Variants in CMSS1 observed in about 807,000 individuals in gnomAD.
The protein encoded by CMSS1 is cms1 ribosomal small subunit homolog, also known as protein CMSS1.
In CMSS1, 33 loss-of-function variants were observed where a neutral mutation model predicts 43.5. The ratio of observed to expected loss-of-function variants is 0.76; its 90% CI spans 0.57 to 1.01. CMSS1 has a LOEUF of 1.01. Among genes scored for constraint, CMSS1 ranks in the 50% least tolerant of loss-of-function variants. CMSS1 has a pLI of 0.00. For synonymous variants in CMSS1, 115 were observed against 117.2 expected (o/e 0.98, Z 0.12); for missense variants, 313 against 326.4 (o/e 0.96, Z 0.32).
At chr3:99,876,178 G>C (rs1354939827) in intron 1 of CMSS1, 2 of 985,428 alleles carry the variant, frequency 2.0e-6, no homozygotes, top group South Asian at 9.4e-5. Context: ...CAATGCGAGC[G>C]GGGCGCTGAG....
At chr3:99,968,556 A>G (rs1447776536) in intron 1 of CMSS1, among the ~76,000 whole-genome samples, 2 of 152,190 alleles carry the variant, frequency 1.3e-5, no homozygotes, top group East Asian at 1.9e-4. Flanking sequence ...AAGTCACCCC[A>G]TATCAGTGGT....
intron 1 of CMSS1, chr3:99,848,605 T>C (rs751748900): frequency 3.7e-6 from 6 of 1,614,150 alleles, no homozygotes; most frequent in Non-Finnish European, 4.2e-6. Flanking sequence ...GGCACTGATT[T>C]CTGTTGGTTC....
intron 6 of CMSS1, among the ~76,000 whole-genome samples, chr3:100,170,537 A>G (rs1186254613): frequency 6.6e-6 from 1 of 152,194 alleles, no homozygotes; most frequent in East Asian, 1.9e-4. Context: ...CAGATTGATG[A>G]CATTCTGTGG....
At chr3:99,974,723 A>G (rs890095811) in intron 1 of CMSS1, among the ~76,000 whole-genome samples, 4 of 152,148 alleles carry the variant, frequency 2.6e-5, no homozygotes, top group African/African-American at 9.7e-5. Context: ...AACAACAACA[A>G]CAACAACAAC....
chr3:99,935,974 C>T (rs1707653306), intron 1 of CMSS1, among the ~76,000 whole-genome samples: 1 of 152,212 alleles, frequency 6.6e-6, no homozygotes, highest in Admixed American at 6.5e-5. Flanking sequence ...AGCAGCCCCT[C>T]AGCCAATTAC....
chr3:99,952,585 C>G (rs1237442194), intron 1 of CMSS1, among the ~76,000 whole-genome samples: 2 of 152,132 alleles, frequency 1.3e-5, no homozygotes, highest in African/African-American at 2.4e-5. Context: ...TGCTAGAAAA[C>G]ACTATGCTTT....
intron 1 of CMSS1, among the ~76,000 whole-genome samples, chr3:100,131,343 A>C (rs2066706388): frequency 6.6e-6 from 1 of 152,198 alleles, no homozygotes; most frequent in Admixed American, 6.5e-5. Context: ...GATAGCTTCA[A>C]ATGAGTGATA....
intron 1 of CMSS1, among the ~76,000 whole-genome samples, chr3:99,832,525 C>T (rs1347978983): frequency 7.4e-6 from 1 of 135,474 alleles, no homozygotes; most frequent in African/African-American, 2.8e-5. Context: ...CCACTGCGCC[C>T]AGCCATTCCC....
chr3:99,924,134 G>T, intron 1 of CMSS1: 2 of 1,010,300 alleles, frequency 2.0e-6, no homozygotes, highest in Non-Finnish European at 3.0e-6. Context: ...TGAGAACAGA[G>T]ACTGTGTCAT....
chr3:99,934,728 C>G (rs1707603857), intron 1 of CMSS1, among the ~76,000 whole-genome samples: 1 of 152,214 alleles, frequency 6.6e-6, no homozygotes, highest in Admixed American at 6.5e-5. Context: ...GCTTCCTCAC[C>G]TCACTCTTAA....
At chr3:100,105,335 A>G (rs967147246) in intron 1 of CMSS1, among the ~76,000 whole-genome samples, 7 of 152,166 alleles carry the variant, frequency 4.6e-5, no homozygotes, top group Non-Finnish European at 8.8e-5. Flanking sequence ...GAGCAATAGG[A>G]ATTTGGACTA....
intron 1 of CMSS1, among the ~76,000 whole-genome samples, chr3:100,096,572 C>A (rs1199022189): frequency 6.6e-6 from 1 of 151,074 alleles, no homozygotes; most frequent in African/African-American, 2.4e-5. Flanking sequence ...AATAATTGAA[C>A]ACATGTTGAT....
intron 1 of CMSS1, among the ~76,000 whole-genome samples, chr3:100,061,817 T>G (rs1353833438): frequency 1.3e-5 from 2 of 152,346 alleles, no homozygotes; most frequent in East Asian, 3.9e-4. Flanking sequence ...GAGGCAAGAT[T>G]TGAAGCCAAG....
chr3:99,945,048 A>G (rs1476741531), intron 1 of CMSS1, among the ~76,000 whole-genome samples: 1 of 152,194 alleles, frequency 6.6e-6, no homozygotes, highest in Non-Finnish European at 1.5e-5. Flanking sequence ...GCTTAAGTCA[A>G]AAATCATCAA....
At chr3:100,131,246 G>T (rs1331928232) in intron 1 of CMSS1, among the ~76,000 whole-genome samples, 3 of 152,144 alleles carry the variant, frequency 2.0e-5, no homozygotes, top group African/African-American at 4.8e-5. Flanking sequence ...CAGAGGTAAG[G>T]TTCCAGTCTA....
chr3:99,923,265 T>C (rs1032846846), intron 1 of CMSS1, among the ~76,000 whole-genome samples: 2 of 152,198 alleles, frequency 1.3e-5, no homozygotes, highest in Admixed American at 6.5e-5. Flanking sequence ...TCTACAGACC[T>C]ATATTTCTGA....
At chr3:100,014,462 A>C (rs1217997539) in intron 1 of CMSS1, among the ~76,000 whole-genome samples, 2 of 152,114 alleles carry the variant, frequency 1.3e-5, no homozygotes, top group East Asian at 3.9e-4. Context: ...TCCCACCAAC[A>C]GTGTATAAGA....
chr3:99,849,860 T>G, intron 1 of CMSS1: 1 of 1,611,210 alleles, frequency 6.2e-7, no homozygotes, highest in South Asian at 1.1e-5. Context: ...TGATTTAATT[T>G]GTTTTTTAGG....
At chr3:99,864,277 G>A (rs1456250893) in intron 1 of CMSS1, among the ~76,000 whole-genome samples, 1 of 152,058 alleles carries the variant, frequency 6.6e-6, no homozygotes, top group African/African-American at 2.4e-5. Context: ...CATCATTATG[G>A]TGGCCCTGGA....
Sources: allele counts gnomAD v4.1 joint callset (sites outside exome capture counted in the v4.1 genomes callset), GRCh38; gene constraint gnomAD v4.1.1; transcripts MANE v1.5; gene names NCBI Gene and HGNC (gene_info 2026-07-23, HGNC 2026-07-21).